The following TMEM217B variants were observed in gnomAD, a reference collection of about 807,000 sequenced individuals.
TMEM217B encodes the protein putative transmembrane protein 217B.
At chr6:37,231,728 T>A in the TMEM217B span, among the ~76,000 whole-genome samples, 4 of 147,548 alleles carry the variant, frequency 2.7e-5, no homozygotes, top group South Asian at 2.1e-4. Flanking sequence ...GTTTTATCTT[T>A]TATATATATA....
the TMEM217B span, among the ~76,000 whole-genome samples, chr6:37,252,259 A>G: frequency 2.1e-4 from 32 of 152,316 alleles, no homozygotes; most frequent in African/African-American, 7.0e-4. Flanking sequence ...CATGTAACAT[A>G]AAGTTCAAAT....
chr6:37,224,726 G>A, the TMEM217B span, among the ~76,000 whole-genome samples: 2 of 152,112 alleles, frequency 1.3e-5, no homozygotes, highest in Non-Finnish European at 2.9e-5. Context: ...GAGCAGCTGG[G>A]ATTACAGGAG....
At chr6:37,245,446 T>G in the TMEM217B span, among the ~76,000 whole-genome samples, 1,069 of 152,336 alleles carry the variant, frequency 7.0e-3, 8 homozygotes, top group African/African-American at 0.024. Context: ...CATCACAAAC[T>G]CCTCCCGATT....
the TMEM217B span, among the ~76,000 whole-genome samples, chr6:37,221,543 C>G: frequency 6.6e-6 from 1 of 152,218 alleles, no homozygotes; most frequent in South Asian, 2.1e-4. Context: ...ACATAATGTC[C>G]TCAAGGTTCA....
At chr6:37,254,001 G>C in the TMEM217B span, among the ~76,000 whole-genome samples, 4 of 152,262 alleles carry the variant, frequency 2.6e-5, no homozygotes, top group East Asian at 7.7e-4. Context: ...AAGTTGAGGG[G>C]GGGAAAGTAA....
chr6:37,252,611 G>A, the TMEM217B span, among the ~76,000 whole-genome samples: 6 of 91,426 alleles, frequency 6.6e-5, no homozygotes, highest in African/African-American at 2.6e-4. Context: ...GTGTGTGTAT[G>A]TGTGTGTATA....
chr6:37,232,658 AT>A, the TMEM217B span, among the ~76,000 whole-genome samples: 1 of 152,104 alleles, frequency 6.6e-6, no homozygotes, highest in Non-Finnish European at 1.5e-5. Context: ...CACAAACCCC[AT>A]TTCCACATAT....
At chr6:37,251,425 T>C in the TMEM217B span, among the ~76,000 whole-genome samples, 2 of 152,224 alleles carry the variant, frequency 1.3e-5, no homozygotes, top group African/African-American at 4.8e-5. Flanking sequence ...GAATGTTGAA[T>C]GAGCAATGCT....
At chr6:37,234,675 G>A in the TMEM217B span, among the ~76,000 whole-genome samples, 1 of 152,110 alleles carries the variant, frequency 6.6e-6, no homozygotes, top group South Asian at 2.1e-4. Context: ...GGCAGAGGTT[G>A]CACTGAGCCG....
At chr6:37,213,102 T>G in the TMEM217B span, 1 of 777,740 alleles carries the variant, frequency 1.3e-6, no homozygotes, top group Non-Finnish European at 2.1e-6. Flanking sequence ...GCAATGATGG[T>G]GTGTGGACAG....
the TMEM217B span, among the ~76,000 whole-genome samples, chr6:37,252,480 A>G: frequency 6.6e-6 from 1 of 151,740 alleles, no homozygotes; most frequent in East Asian, 1.9e-4. Context: ...TACATACATA[A>G]CATACATATA....
At chr6:37,249,610 C>T in the TMEM217B span, among the ~76,000 whole-genome samples, 213 of 152,216 alleles carry the variant, frequency 1.4e-3, 1 homozygote, top group African/African-American at 4.9e-3. Flanking sequence ...TGTAAGCCAC[C>T]GCACCCAGTG....
chr6:37,219,670 T>A, the TMEM217B span, among the ~76,000 whole-genome samples: 1 of 151,978 alleles, frequency 6.6e-6, no homozygotes, highest in African/African-American at 2.4e-5. Flanking sequence ...AAGTCAAGGC[T>A]GCAGTGAGCT....
chr6:37,222,189 C>A, the TMEM217B span, among the ~76,000 whole-genome samples: 3 of 152,218 alleles, frequency 2.0e-5, no homozygotes, highest in East Asian at 5.8e-4. Context: ...CTGGAAGAGG[C>A]ACCACTTAGG....
chr6:37,244,902 G>A, the TMEM217B span, among the ~76,000 whole-genome samples: 749 of 152,304 alleles, frequency 4.9e-3, 8 homozygotes, highest in African/African-American at 0.017. Flanking sequence ...CTGGCTGTTG[G>A]CTGAACTAGG....
the TMEM217B span, among the ~76,000 whole-genome samples, chr6:37,229,347 T>TGTTTTG: frequency 4.6e-5 from 6 of 131,136 alleles, 1 homozygote; most frequent in Non-Finnish European, 8.1e-5. Flanking sequence ...TTTTTTTTTT[T>TGTTTTG]TTTTTTTTTT....
chr6:37,249,483 A>C, the TMEM217B span, among the ~76,000 whole-genome samples: 22,676 of 151,850 alleles, frequency 0.15, 1,906 homozygotes, highest in African/African-American at 0.23. Flanking sequence ...CCATGCCCAG[A>C]TAATTTTTTT....
the TMEM217B span, among the ~76,000 whole-genome samples, chr6:37,213,579 A>G: frequency 6.6e-6 from 1 of 152,268 alleles, no homozygotes; most frequent in Non-Finnish European, 1.5e-5. Context: ...GACTCTGCCC[A>G]GGGCCAAGAT....
chr6:37,249,833 CAGTT>C, the TMEM217B span, among the ~76,000 whole-genome samples: 2 of 152,320 alleles, frequency 1.3e-5, no homozygotes, highest in Middle Eastern at 3.4e-3. Flanking sequence ...CTTTGAAAAA[CAGTT>C]GGGCAGTATT....
Sources: gnomAD v4.1 joint callset for allele counts (sites outside exome capture counted in the v4.1 genomes callset) on GRCh38, gnomAD v4.1.1 for gene constraint, MANE v1.5 for transcripts, NCBI Gene and HGNC (gene_info 2026-07-23, HGNC 2026-07-21) for gene names.